Variants in CLDN16 observed in about 807,000 individuals in gnomAD.
CLDN16 encodes claudin 16.
A neutral mutation model predicts 24.6 loss-of-function variants in CLDN16; 13 were observed. The observed-to-expected ratio is 0.53, with a 90% CI of 0.34 to 0.84. The LOEUF is 0.84. Among genes scored for constraint, CLDN16 ranks in the 40% least tolerant of loss-of-function variants. CLDN16 has a pLI of 0.01. For synonymous variants in CLDN16, 116 were observed against 106.7 expected (o/e 1.09, Z -0.54); for missense variants, 298 against 292.7 (o/e 1.02, Z -0.13).
upstream of CLDN16, among the ~76,000 whole-genome samples, chr3:190,318,254 TTG>T (rs1716821928): frequency 6.6e-6 from 1 of 152,180 alleles, no homozygotes; most frequent in African/African-American, 2.4e-5. Flanking sequence ...CCTTTCTTGT[TTG>T]TGTGTTTCTT....
intron 1 of CLDN16, among the ~76,000 whole-genome samples, chr3:190,352,970 T>A (rs1017760557): frequency 1.1e-4 from 17 of 152,092 alleles, no homozygotes; most frequent in Non-Finnish European, 2.5e-4. Context: ...CAGCTCAGTA[T>A]CTAGAAGCTT....
At chr3:190,341,435 C>T (rs888821797) in intron 1 of CLDN16, among the ~76,000 whole-genome samples, 2 of 152,140 alleles carry the variant, frequency 1.3e-5, no homozygotes, top group Non-Finnish European at 2.9e-5. Context: ...GAAGTCATGG[C>T]CTGAGCTCTA....
upstream of CLDN16, among the ~76,000 whole-genome samples, chr3:190,319,221 C>T (rs1411420733): frequency 1.3e-5 from 2 of 152,042 alleles, no homozygotes; most frequent in East Asian, 1.9e-4. Flanking sequence ...GAAAACAAGG[C>T]GAGAGGTACA....
At chr3:190,393,158 G>T (rs940183201) in intron 1 of CLDN16, among the ~76,000 whole-genome samples, 1 of 152,170 alleles carries the variant, frequency 6.6e-6, no homozygotes, top group African/African-American at 2.4e-5. Flanking sequence ...GATGAAATCT[G>T]CCTTTCTGAT....
At chr3:190,373,935 C>G (rs1203274786) in intron 2 of CLDN16, among the ~76,000 whole-genome samples, 3 of 151,642 alleles carry the variant, frequency 2.0e-5, no homozygotes, top group Admixed American at 2.0e-4. Flanking sequence ...AAGTAAAAGA[C>G]TCATCTTACT....
upstream of CLDN16, among the ~76,000 whole-genome samples, chr3:190,385,301 A>G (rs9833730): frequency 0.19 from 28,255 of 152,034 alleles, 3,052 homozygotes; most frequent in Middle Eastern, 0.29. Context: ...TCCTCACAAC[A>G]CCCTACACAT....
At chr3:190,401,099 A>G (rs909879482) in intron 1 of CLDN16, among the ~76,000 whole-genome samples, 1 of 152,208 alleles carries the variant, frequency 6.6e-6, no homozygotes, top group Admixed American at 6.5e-5. Context: ...ATTACCAACT[A>G]TAAGTATTTT....
chr3:190,292,253 C>A, the CLDN16 span, among the ~76,000 whole-genome samples: 3 of 152,200 alleles, frequency 2.0e-5, no homozygotes, highest in African/African-American at 7.2e-5. Context: ...AACCTCAATT[C>A]TTGACTTCTG....
At chr3:190,326,489 G>C (rs566479475) in intron 1 of CLDN16, among the ~76,000 whole-genome samples, 1 of 152,158 alleles carries the variant, frequency 6.6e-6, no homozygotes, top group Non-Finnish European at 1.5e-5. Flanking sequence ...CAAGCCTTGC[G>C]ATGTTTTCCC....
chr3:190,348,625 C>A (rs76163529), intron 1 of CLDN16, among the ~76,000 whole-genome samples: 8,136 of 152,186 alleles, frequency 0.053, 267 homozygotes, highest in Admixed American at 0.061. Flanking sequence ...GCCAAGCAAA[C>A]CTTCTTTTAT....
chr3:190,315,175 C>T, the CLDN16 span, among the ~76,000 whole-genome samples: 8 of 152,180 alleles, frequency 5.3e-5, no homozygotes, highest in Non-Finnish European at 8.8e-5. Context: ...TAAGATTACA[C>T]TTGGCAGGAA....
At chr3:190,401,864 AT>A (rs1454192753) in intron 1 of CLDN16, among the ~76,000 whole-genome samples, 1 of 151,934 alleles carries the variant, frequency 6.6e-6, no homozygotes, top group Non-Finnish European at 1.5e-5. Context: ...TAAAGATAAT[AT>A]TTTTCTTCAT....
At chr3:190,370,442 A>T (rs62278670) in intron 1 of CLDN16, among the ~76,000 whole-genome samples, 2 of 151,760 alleles carry the variant, frequency 1.3e-5, no homozygotes, top group African/African-American at 2.4e-5. Flanking sequence ...CATCTTGGTT[A>T]TCATCACTAC....
intron 2 of CLDN16, among the ~76,000 whole-genome samples, chr3:190,403,427 G>T (rs1719011370): frequency 6.6e-6 from 1 of 152,116 alleles, no homozygotes; most frequent in African/African-American, 2.4e-5. Flanking sequence ...AAATCTTACT[G>T]TTGATTCTCT....
At chr3:190,371,016 T>TTATATATATATATATATA (rs141854157) in intron 2 of CLDN16, 676 of 13,248 alleles carry the variant, frequency 0.051, 4 homozygotes, top group Middle Eastern at 0.14. Flanking sequence ...GTTAATACCT[T>TTATATATATATATATATA]TATATATATA....
At chr3:190,295,032 G>C in the CLDN16 span, among the ~76,000 whole-genome samples, 1 of 151,988 alleles carries the variant, frequency 6.6e-6, no homozygotes, top group Non-Finnish European at 1.5e-5. Flanking sequence ...TTATCTCAGG[G>C]CTCGAAATTA....
chr3:190,322,634 G>C (rs1716963908), exon 1 of CLDN16: 1 of 260,500 alleles, frequency 3.8e-6, no homozygotes, highest in African/African-American at 2.4e-5. Flanking sequence ...GTCCCTGCTC[G>C]CTTTCTCTCG....
intron 1 of CLDN16, among the ~76,000 whole-genome samples, chr3:190,401,726 C>T (rs188734119): frequency 6.6e-6 from 1 of 152,218 alleles, no homozygotes; most frequent in African/African-American, 2.4e-5. Context: ...CTTTACATAG[C>T]TTAAGCATTT....
At chr3:190,377,676 C>T (rs1160933511) in intron 3 of CLDN16, among the ~76,000 whole-genome samples, 1 of 151,938 alleles carries the variant, frequency 6.6e-6, no homozygotes, top group Non-Finnish European at 1.5e-5. Context: ...CCAAAAAATT[C>T]CAGTGAAATA....
Sources: gnomAD v4.1 joint callset for allele counts (sites outside exome capture counted in the v4.1 genomes callset) on GRCh38, gnomAD v4.1.1 for gene constraint, MANE v1.5 for transcripts, NCBI Gene and HGNC (gene_info 2026-07-23, HGNC 2026-07-21) for gene names.